TDRP: variants seen among roughly 807,000 people sequenced by gnomAD.
TDRP encodes the protein testis development related protein, also known as testis development-related protein.
Under a neutral mutation model 10.5 loss-of-function variants are expected in TDRP, and 12 were observed. The observed-to-expected ratio is 1.15, with a 90% confidence interval of 0.73 to 1.86. TDRP has a LOEUF of 1.86. Ranked by LOEUF, TDRP falls within the 40% of genes most tolerant of loss-of-function variation. The probability of loss-of-function intolerance (pLI) is 0.00; values close to 1 mark genes in which losing one functional copy is unlikely to be tolerated. For missense variants in TDRP, 353 were observed against 229.2 expected, an observed-to-expected ratio of 1.54 and a Z score of -3.49; for synonymous variants, 139 against 95.4, an observed-to-expected ratio of 1.46 and a Z score of -2.67.
intron 1 of TDRP, among the ~76,000 whole-genome samples, chr8:505,612 G>A (rs552033785): frequency 2.0e-5 from 3 of 152,312 alleles, no homozygotes; most frequent in South Asian, 4.1e-4. Flanking sequence ...TGAAGGCCAT[G>A]AAGATCTCCA....
intron 1 of TDRP, among the ~76,000 whole-genome samples, chr8:510,619 A>G (rs1239765105): frequency 6.6e-6 from 1 of 152,246 alleles, no homozygotes; most frequent in African/African-American, 2.4e-5. Context: ...TTCTCAACCA[A>G]AAATCCTATA....
intron 1 of TDRP, among the ~76,000 whole-genome samples, chr8:525,857 A>C (rs1802022718): frequency 6.6e-6 from 1 of 152,214 alleles, no homozygotes; most frequent in African/African-American, 2.4e-5. Context: ...GAAACTCTCC[A>C]ATCAGTTTGA....
chr8:495,821 G>T (rs1329063997), intron 1 of TDRP, among the ~76,000 whole-genome samples: 1 of 152,156 alleles, frequency 6.6e-6, no homozygotes, highest in South Asian at 2.1e-4. Context: ...CAATGTCTGG[G>T]GGTCTCCAGG....
chr8:497,901 G>A (rs1381614503), intron 1 of TDRP, among the ~76,000 whole-genome samples: 3 of 152,230 alleles, frequency 2.0e-5, no homozygotes, highest in Non-Finnish European at 4.4e-5. Flanking sequence ...CATGACTTCA[G>A]AGGGTGCAAA....
At chr8:492,778 C>T (rs560777488) in intron 2 of TDRP, 34 bp from the exon 3 acceptor site, 2 of 1,516,646 alleles carry the variant, frequency 1.3e-6, no homozygotes, top group East Asian at 2.3e-5. Context: ...TGTTGGTGAC[C>T]CAGGTCTTAG....
At chr8:519,437 C>T (rs1389091326) in intron 1 of TDRP, among the ~76,000 whole-genome samples, 2 of 152,080 alleles carry the variant, frequency 1.3e-5, no homozygotes, top group South Asian at 4.2e-4. Flanking sequence ...GCATGGATAC[C>T]TATGACATCA....
rs780160356 is a variant in TDRP at position 492,014 on chromosome 8, G to C, written c.*385C>G. The C allele has an allele frequency of 2.7e-6, 3 of 1,109,652 alleles. No individual in the cohort carries two copies. The highest frequency in any genetic ancestry group is 2.2e-6 in the Non-Finnish European group (2 of 911,472). 68.7% of individuals were successfully genotyped at this position (1,109,652 alleles called of 1,614,324 possible). On this transcript the variant is annotated 3_prime_UTR_variant, in exon 3 of 3. Coordinates refer to ENST00000324079, the MANE Select transcript of TDRP (RefSeq NM_001384899.1). ...AACTGCATGACAGCTGCATTTATACGTGCTACATACAAGAAAAAGGTACGG... is the reference window on the plus strand; with the variant it reads ...AACTGCATGACAGCTGCATTTATACCTGCTACATACAAGAAAAAGGTACGG...
chr8:530,785 A>G (rs1351256233), intron 1 of TDRP, among the ~76,000 whole-genome samples: 2 of 152,140 alleles, frequency 1.3e-5, no homozygotes, highest in African/African-American at 4.8e-5. Flanking sequence ...AACAGGAATC[A>G]GTCTCTTGGG....
chr8:516,034 A>T (rs922129046), intron 1 of TDRP, among the ~76,000 whole-genome samples: 1 of 152,220 alleles, frequency 6.6e-6, no homozygotes. Flanking sequence ...AAATTACATT[A>T]AAAACAAGAT....
At chr8:516,949 T>A (rs1801772830) in intron 1 of TDRP, among the ~76,000 whole-genome samples, 1 of 152,104 alleles carries the variant, frequency 6.6e-6, no homozygotes, top group African/African-American at 2.4e-5. Context: ...TATCAAGCCA[T>A]GAAAAGACAT....
chr8:543,934 G>C (rs1261838983), intron 1 of TDRP, among the ~76,000 whole-genome samples: 4 of 137,066 alleles, frequency 2.9e-5, no homozygotes, highest in African/African-American at 5.3e-5. Flanking sequence ...GGGAGGGGGG[G>C]GGAGGGGGTG....
At chr8:504,573 G>A (rs550147881) in intron 1 of TDRP, among the ~76,000 whole-genome samples, 12 of 152,294 alleles carry the variant, frequency 7.9e-5, no homozygotes, top group South Asian at 2.1e-4. Flanking sequence ...ACCGTGATTC[G>A]CAGACAGTGC....
At chr8:533,799 T>C (rs1360466728) in intron 1 of TDRP, among the ~76,000 whole-genome samples, 1 of 152,110 alleles carries the variant, frequency 6.6e-6, no homozygotes, top group African/African-American at 2.4e-5. Context: ...AAGTATAGGG[T>C]AGGCAGATGT....
At chr8:497,487 A>T (rs1801168118) in intron 1 of TDRP, among the ~76,000 whole-genome samples, 1 of 152,176 alleles carries the variant, frequency 6.6e-6, no homozygotes, top group South Asian at 2.1e-4. Context: ...TGCTCCTAAC[A>T]GCATACAGTC....
At chr8:530,333 C>A (rs1312868140) in intron 1 of TDRP, among the ~76,000 whole-genome samples, 2 of 152,132 alleles carry the variant, frequency 1.3e-5, no homozygotes, top group African/African-American at 4.8e-5. Context: ...TCAGATAATT[C>A]ATTTATCTCT....
At chr8:521,438 C>T (rs1372416842) in intron 1 of TDRP, among the ~76,000 whole-genome samples, 1 of 151,920 alleles carries the variant, frequency 6.6e-6, no homozygotes, top group Non-Finnish European at 1.5e-5. Context: ...AAAGATACAA[C>T]TTCATTTTTT....
chr8:528,326 C>A (rs1304802658), intron 1 of TDRP, among the ~76,000 whole-genome samples: 2 of 152,232 alleles, frequency 1.3e-5, no homozygotes, highest in East Asian at 3.9e-4. Flanking sequence ...TAAAATAGTA[C>A]AGCCACTATG....
chr8:539,581 T>C (rs1802437165), intron 1 of TDRP, among the ~76,000 whole-genome samples: 1 of 152,242 alleles, frequency 6.6e-6, no homozygotes, highest in African/African-American at 2.4e-5. Flanking sequence ...TGAAGGTGTT[T>C]ACTGCAGGTT....
At chr8:497,089 G>C (rs942725702) in intron 1 of TDRP, among the ~76,000 whole-genome samples, 2 of 152,204 alleles carry the variant, frequency 1.3e-5, no homozygotes, top group African/African-American at 4.8e-5. Context: ...TACGAGAGGA[G>C]TGCGGTACTG....
Sources: allele counts gnomAD v4.1 joint callset (sites outside exome capture counted in the v4.1 genomes callset), GRCh38; gene constraint gnomAD v4.1.1; transcripts MANE v1.5; gene names NCBI Gene and HGNC (gene_info 2026-07-23, HGNC 2026-07-21).